Variants in DAB2 observed in about 807,000 individuals in gnomAD.
DAB2 encodes the protein DAB adaptor protein 2.
Under a neutral mutation model 71.6 loss-of-function variants are expected in DAB2, and 28 were observed. The ratio of observed to expected loss-of-function variants is 0.39; its 90% CI spans 0.29 to 0.54. The LOEUF is 0.54. Among genes scored for constraint, DAB2 ranks in the 20% least tolerant of loss-of-function variants. DAB2 has a pLI of 0.68. For synonymous variants in DAB2, 345 were observed against 339.7 expected (o/e 1.02, Z -0.17); for missense variants, 867 against 928.8 (o/e 0.93, Z 0.86).
chr5:39,414,067 A>G (rs1002429360), intron 1 of DAB2, among the ~76,000 whole-genome samples: 4 of 152,148 alleles, frequency 2.6e-5, no homozygotes, highest in African/African-American at 9.7e-5. Flanking sequence ...ATTCAACAGT[A>G]AGTTTTCAGT....
At chr5:39,386,958 TATAAC>T (rs1331897496) in intron 9 of DAB2, among the ~76,000 whole-genome samples, 1 of 152,178 alleles carries the variant, frequency 6.6e-6, no homozygotes, top group Admixed American at 6.5e-5. Context: ...TCCTCAGAAC[TATAAC>T]AAAAATTATG....
intron 1 of DAB2, among the ~76,000 whole-genome samples, chr5:39,406,346 G>A (rs775724821): frequency 2.0e-5 from 3 of 152,120 alleles, no homozygotes; most frequent in Non-Finnish European, 2.9e-5. Context: ...GGGACATGGC[G>A]GAACTCTACT....
At chr5:39,380,509 A>T (rs1423313524) in intron 11 of DAB2, among the ~76,000 whole-genome samples, 1 of 152,168 alleles carries the variant, frequency 6.6e-6, no homozygotes, top group South Asian at 2.1e-4. Flanking sequence ...CCCAAGCCAG[A>T]GTCCATTTGG....
chr5:39,374,096 C>T (rs1311763489), intron 14 of DAB2, among the ~76,000 whole-genome samples: 1 of 151,948 alleles, frequency 6.6e-6, no homozygotes, highest in East Asian at 1.9e-4. Flanking sequence ...TTGTTTTCGC[C>T]ACGTTTAAGA....
intron 1 of DAB2, among the ~76,000 whole-genome samples, chr5:39,400,953 C>G (rs968842884): frequency 6.6e-6 from 1 of 152,170 alleles, no homozygotes; most frequent in Non-Finnish European, 1.5e-5. Context: ...TAAGACAGAC[C>G]TCGGGGTCCA....
chr5:39,375,139 A>T (rs1333274824), intron 13 of DAB2, 55 bp from the exon 14 acceptor site: 22 of 1,364,104 alleles, frequency 1.6e-5, no homozygotes, highest in Admixed American at 5.9e-5. Flanking sequence ...TAAGAAAAAA[A>T]TCGCAATGAA....
intron 10 of DAB2, 74 bp downstream of exon 10, chr5:39,382,544 G>C: frequency 7.0e-7 from 1 of 1,437,868 alleles, no homozygotes; most frequent in Non-Finnish European, 9.5e-7. Flanking sequence ...CAGCAGGAAA[G>C]AGAGCTTGCA....
Position 39,377,137 on chromosome 5 carries a change from T to C in DAB2, c.1650A>G (p.Pro550=), listed in dbSNP as rs369861422. 20 of 1,614,012 alleles carry C rather than the reference T, an allele frequency of 1.2e-5. No individual in the cohort carries two copies. The African/African-American group carries it at 2.0e-4, about 16-fold the overall frequency. The change falls in exon 12 of 15, where the codon CCA becomes CCG. Residue 550 remains proline (P), a synonymous_variant. Coordinates refer to ENST00000320816, the MANE Select transcript of DAB2 (RefSeq NM_001343.4). Reference sequence around the variant, plus strand: ...AAGGCTGGTTCCAACCTGAAACAGCTGGACTTGTACCAAAAATGACGGGCT... The same window carrying C: ...AAGGCTGGTTCCAACCTGAAACAGCCGGACTTGTACCAAAAATGACGGGCT... ...FSQPVIFGTS[P]AVSGWNQPSP...
At chr5:39,390,773 G>C (rs796567261) in intron 4 of DAB2, among the ~76,000 whole-genome samples, 198 bp from the exon 5 acceptor site, 1 of 152,122 alleles carries the variant, frequency 6.6e-6, no homozygotes, top group Non-Finnish European at 1.5e-5. Flanking sequence ...AATAGAAAAC[G>C]TAAGTGGGAA....
intron 1 of DAB2, among the ~76,000 whole-genome samples, chr5:39,410,788 T>A (rs1174884936): frequency 7.6e-6 from 1 of 131,286 alleles, no homozygotes. Context: ...TTGAGATTAC[T>A]GTATTGTCTA....
rs749172711 is a variant in DAB2, at chr5:39,388,791, A to T, written c.624+8T>A. 1 of 1,610,998 alleles carries T rather than the reference A, an allele frequency of 6.2e-7. No homozygotes were observed. The highest frequency in any genetic ancestry group is 1.1e-5 in the South Asian group (1 of 91,012). On this transcript the variant is annotated splice_region_variant and intron_variant, in intron 8 of 14. Transcript: ENST00000320816. ...AAGAACTGTCAAACGTCACATATTA[A>T]TACATACCGATTTCAGTTTGTTAGT...
intron 10 of DAB2, among the ~76,000 whole-genome samples, chr5:39,381,958 G>A (rs1754990314): frequency 6.6e-6 from 1 of 152,088 alleles, no homozygotes; most frequent in Non-Finnish European, 1.5e-5. Context: ...CTACCAATAA[G>A]CATCCTAAAT....
intron 1 of DAB2, among the ~76,000 whole-genome samples, chr5:39,395,678 T>C (rs1006082786): frequency 2.6e-5 from 4 of 152,204 alleles, no homozygotes; most frequent in Non-Finnish European, 4.4e-5. Flanking sequence ...AGTAATGTTA[T>C]CTGAATTGCT....
intron 1 of DAB2, among the ~76,000 whole-genome samples, chr5:39,415,196 G>C (rs1018104936): frequency 1.9e-4 from 29 of 152,062 alleles, no homozygotes; most frequent in African/African-American, 6.5e-4. Flanking sequence ...TTTAAATTAT[G>C]ACACAAATTG....
intron 2 of DAB2, 128 bp downstream of exon 2, chr5:39,394,102 A>C: frequency 1.4e-6 from 1 of 706,632 alleles, no homozygotes; most frequent in Non-Finnish European, 2.4e-6. Context: ...TCCTATTAGG[A>C]GAACATGAGA....
intron 6 of DAB2, 121 bp from the exon 7 acceptor site, chr5:39,389,244 C>A: frequency 1.4e-6 from 1 of 691,034 alleles, no homozygotes; most frequent in Admixed American, 2.7e-5. Context: ...TATATTATTT[C>A]TGCCCTCCGT....
intron 11 of DAB2, among the ~76,000 whole-genome samples, chr5:39,379,274 C>A (rs376671948): frequency 1.3e-5 from 2 of 151,762 alleles, no homozygotes; most frequent in Non-Finnish European, 2.9e-5. Context: ...GCCAACGTGG[C>A]GAAACCCTGT....
chr5:39,381,133 C>A (rs534916751), intron 11 of DAB2, among the ~76,000 whole-genome samples: 93 of 152,280 alleles, frequency 6.1e-4, no homozygotes, highest in African/African-American at 2.2e-3. Context: ...TTATGTCAAC[C>A]CTGTTTTGCT....
chr5:39,380,265 G>T (rs1754946906), intron 11 of DAB2, among the ~76,000 whole-genome samples: 1 of 152,168 alleles, frequency 6.6e-6, no homozygotes, highest in African/African-American at 2.4e-5. Flanking sequence ...ACGGATTTCT[G>T]CCACTCAGCA....
Sources: allele counts gnomAD v4.1 joint callset (sites outside exome capture counted in the v4.1 genomes callset), GRCh38; gene constraint gnomAD v4.1.1; transcripts MANE v1.5; gene names NCBI Gene and HGNC (gene_info 2026-07-23, HGNC 2026-07-21).